The following TRAK1 variants were observed in gnomAD, a reference collection of about 807,000 sequenced individuals.
The protein encoded by TRAK1 is trafficking kinesin-binding protein 1.
A neutral mutation model predicts 92.1 loss-of-function variants in TRAK1; 33 were observed. That is an observed-to-expected ratio of 0.36 (90% CI 0.27 to 0.48). The LOEUF (loss-of-function observed/expected upper bound fraction) is 0.48. Ranked by LOEUF, TRAK1 falls within the 20% of genes least tolerant of loss-of-function variation. The pLI, the probability that TRAK1 is intolerant of heterozygous loss-of-function variation, is 0.99. For missense variants in TRAK1, 1,123 were observed against 1,257.9 expected (o/e 0.89, Z 1.62); for synonymous variants, 521 against 517.3 (o/e 1.01, Z -0.10).
rs546108389 is a variant in TRAK1, at chr3:42,023,656, G to C, written c.-519+9539G>C. Reference sequence around the variant, plus strand: ...AGTGAAGGATAAGGCTGAGGTTTCTGAGTTGGACCACCATTAATCAGTTGT... The same window carrying C: ...AGTGAAGGATAAGGCTGAGGTTTCTCAGTTGGACCACCATTAATCAGTTGT... On this transcript the variant is annotated intron_variant, in intron 1 of 16. Transcript: ENST00000487159. 6.6e-5 allele frequency among the ~76,000 whole-genome samples: 10 copies of C among 151,532 alleles called. No homozygotes were observed. In the South Asian group the frequency reaches 1.7e-3, roughly 25 times the overall value.
At chr3:42,031,724 A>G (rs1412836990) in intron 1 of TRAK1, among the ~76,000 whole-genome samples, 1 of 152,212 alleles carries the variant, frequency 6.6e-6, no homozygotes, top group Non-Finnish European at 1.5e-5. Context: ...GTCTGGATGC[A>G]GTGCCTCATT....
At chr3:42,143,559 A>G (rs897044442) in intron 2 of TRAK1, among the ~76,000 whole-genome samples, 20 of 152,206 alleles carry the variant, frequency 1.3e-4, no homozygotes, top group African/African-American at 4.8e-4. Context: ...ATTAAATGCC[A>G]GGTATACAGT....
intron 13 of TRAK1, among the ~76,000 whole-genome samples, chr3:42,208,393 G>C (rs563172038): frequency 6.6e-6 from 1 of 152,216 alleles, no homozygotes; most frequent in African/African-American, 2.4e-5. Context: ...CGACACATGA[G>C]AAGTTATTTC....
At chr3:42,022,014 G>A (rs1701740427) in intron 1 of TRAK1, among the ~76,000 whole-genome samples, 1 of 152,166 alleles carries the variant, frequency 6.6e-6, no homozygotes. Flanking sequence ...CAGGTATTCT[G>A]TGCCACACCT....
chr3:42,200,497 C>A (rs927694631), intron 11 of TRAK1, among the ~76,000 whole-genome samples: 1 of 152,156 alleles, frequency 6.6e-6, no homozygotes, highest in Admixed American at 6.5e-5. Flanking sequence ...ATCTAGGAGA[C>A]AAAAGTCATA....
chr3:42,056,152 C>T (rs1238407206), intron 1 of TRAK1, among the ~76,000 whole-genome samples: 1 of 152,006 alleles, frequency 6.6e-6, no homozygotes, highest in Non-Finnish European at 1.5e-5. Flanking sequence ...CATCTGTAGA[C>T]TTTTTTTTAT....
intron 1 of TRAK1, among the ~76,000 whole-genome samples, chr3:42,091,767 C>T (rs554321608): frequency 1.3e-5 from 2 of 152,166 alleles, no homozygotes; most frequent in South Asian, 4.2e-4. Context: ...ACCACCCCCC[C>T]ATCTCCCGTT....
At chr3:42,180,634 G>T (rs1703867252) in intron 3 of TRAK1, among the ~76,000 whole-genome samples, 2 of 145,420 alleles carry the variant, frequency 1.4e-5, no homozygotes, top group South Asian at 4.3e-4. Context: ...AGCTGTAATT[G>T]TGCCACTGCA....
chr3:42,082,444 A>G (rs1157913200), upstream of TRAK1, among the ~76,000 whole-genome samples: 1 of 27,742 alleles, frequency 3.6e-5, no homozygotes, highest in African/African-American at 1.1e-4. Flanking sequence ...ATCAAAAATA[A>G]AAAATTAGCC....
intron 2 of TRAK1, among the ~76,000 whole-genome samples, chr3:42,167,993 G>A (rs980315718): frequency 3.9e-5 from 6 of 152,238 alleles, no homozygotes; most frequent in African/African-American, 1.4e-4. Flanking sequence ...CAACAGGCAA[G>A]TGAGAGACTT....
At chr3:42,025,294 G>C (rs748054190) in intron 1 of TRAK1, among the ~76,000 whole-genome samples, 1 of 152,102 alleles carries the variant, frequency 6.6e-6, no homozygotes, top group Non-Finnish European at 1.5e-5. Flanking sequence ...GCTGGGGCAC[G>C]CTGGCCTTTC....
At chr3:42,220,982 G>A (rs1358982960) in intron 15 of TRAK1, among the ~76,000 whole-genome samples, 2 of 151,636 alleles carry the variant, frequency 1.3e-5, no homozygotes, top group East Asian at 3.9e-4. Context: ...ACTCCTGACT[G>A]TAGCCATAGG....
chr3:42,128,784 A>G (rs1327868193), intron 2 of TRAK1, among the ~76,000 whole-genome samples: 1 of 152,200 alleles, frequency 6.6e-6, no homozygotes, highest in Non-Finnish European at 1.5e-5. Flanking sequence ...CATCACTGCC[A>G]TGAAGTTACA....
intron 1 of TRAK1, among the ~76,000 whole-genome samples, chr3:42,043,619 G>GGA (rs1553703818): frequency 6.6e-6 from 1 of 151,370 alleles, no homozygotes; most frequent in Middle Eastern, 3.2e-3. Context: ...TGGAGCTGGG[G>GGA]GGGGGGCGGG....
At chr3:42,207,862 C>T (rs116390994) in intron 13 of TRAK1, among the ~76,000 whole-genome samples, 3,783 of 152,310 alleles carry the variant, frequency 0.025, 69 homozygotes, top group Non-Finnish European at 0.034. Context: ...AAAGGCTTCT[C>T]AATCCCAGCC....
chr3:42,107,526 A>T lies in TRAK1; in HGVS notation c.91+15966A>T, dbSNP rs1414689823. On this transcript the variant is annotated intron_variant, in intron 1 of 15. Coordinates refer to ENST00000327628, the MANE Select transcript of TRAK1 (RefSeq NM_001042646.3). ...ACTCCGTTTCAAAAAAGAAAAAAAA[A>T]AAAAAGAAATTAATTATTTATAAAC... Among the ~76,000 whole-genome samples, 5 of 152,124 alleles carry T rather than the reference A, an allele frequency of 3.3e-5. No homozygotes were observed. In the East Asian group the frequency reaches 9.6e-4, roughly 29 times the overall value.
At chr3:42,094,543 T>C (rs1705613327) in intron 1 of TRAK1, among the ~76,000 whole-genome samples, 1 of 150,986 alleles carries the variant, frequency 6.6e-6, no homozygotes, top group African/African-American at 2.4e-5. Flanking sequence ...TGCCTGGCTA[T>C]TTTTTTTTGG....
chr3:42,088,400 G>T (rs534399712), upstream of TRAK1, among the ~76,000 whole-genome samples: 1 of 152,234 alleles, frequency 6.6e-6, no homozygotes, highest in East Asian at 1.9e-4. Context: ...GCTTGTGACT[G>T]AGTCCCTCTC....
At chr3:42,208,301 G>A (rs190111401) in intron 13 of TRAK1, among the ~76,000 whole-genome samples, 17 of 152,192 alleles carry the variant, frequency 1.1e-4, no homozygotes, top group Admixed American at 5.2e-4. Context: ...ACATGTATTG[G>A]CAGTGTGCAC....
Sources: gnomAD v4.1 joint callset for allele counts (sites outside exome capture counted in the v4.1 genomes callset) on GRCh38, gnomAD v4.1.1 for gene constraint, MANE v1.5 for transcripts, NCBI Gene and HGNC (gene_info 2026-07-23, HGNC 2026-07-21) for gene names.